The following ANO5 variants were observed in gnomAD, a reference collection of about 807,000 sequenced individuals.
ANO5 encodes the protein anoctamin 5.
Under a neutral mutation model 121.0 loss-of-function variants are expected in ANO5, and 109 were observed. The observed-to-expected ratio is 0.90, with a 90% confidence interval of 0.77 to 1.06. ANO5 has a LOEUF of 1.06. ANO5 is among the 50% of genes least tolerant of loss of function. The pLI is 0.00. For synonymous variants in ANO5, 406 were observed against 359.9 expected (o/e 1.13, Z -1.45); for missense variants, 1,064 against 1,078.5 (o/e 0.99, Z 0.19).
intron 17 of ANO5, among the ~76,000 whole-genome samples, chr11:22,264,495 T>TAACAAC (rs536039523): frequency 6.7e-6 from 1 of 150,220 alleles, no homozygotes; most frequent in Non-Finnish European, 1.5e-5. Context: ...ACAAGCAAAT[T>TAACAAC]AACAACAACA....
chr11:22,273,038 G>T (rs757173779), intron 19 of ANO5, 49 bp downstream of exon 19: 1 of 1,539,952 alleles, frequency 6.5e-7, no homozygotes, highest in South Asian at 1.1e-5. Context: ...ATTTTGGGGG[G>T]TGTGGGGAGA....
At chr11:22,229,833 T>G (rs934068850) in intron 7 of ANO5, among the ~76,000 whole-genome samples, 1 of 151,968 alleles carries the variant, frequency 6.6e-6, no homozygotes, top group African/African-American at 2.4e-5. Flanking sequence ...TGTTCTTGCT[T>G]TATTGAGGAA....
intron 3 of ANO5, 65 bp from the exon 4 acceptor site, chr11:22,218,181 T>C: frequency 1.3e-6 from 2 of 1,584,118 alleles, no homozygotes; most frequent in Non-Finnish European, 1.7e-6. Context: ...GTCTTTGTCT[T>C]TTTTTTGGAA....
intron 11 of ANO5, 38 bp from the exon 12 acceptor site, chr11:22,250,913 A>T (rs772376508): frequency 1.9e-6 from 3 of 1,608,802 alleles, no homozygotes; most frequent in African/African-American, 2.7e-5. Context: ...ATTTAGTACT[A>T]AATTATCTTT....
chr11:22,218,117 A>ACACACACACACACACG, intron 3 of ANO5, 129 bp from the exon 4 acceptor site: 1 of 298,262 alleles, frequency 3.4e-6, no homozygotes, highest in Non-Finnish European at 5.8e-6. Flanking sequence ...TTGAAATATC[A>ACACACACACACACACG]CACACACACA....
At chr11:22,196,534 A>AT (rs1239991443) in intron 1 of ANO5, among the ~76,000 whole-genome samples, 1 of 145,370 alleles carries the variant, frequency 6.9e-6, no homozygotes, top group African/African-American at 2.5e-5. Flanking sequence ...ATTCCAGTGG[A>AT]TTTTTAGAAC....
In ANO5 at chr11:22,272,302, GCACACACACACACACACACACA is replaced by G. The variant is rs60487083; in HGVS notation, c.2030-459_2030-438del. Among the ~76,000 whole-genome samples, 14 of 134,570 alleles carry G rather than the reference GCACACACACACACACACACACA, an allele frequency of 1.0e-4. No individual in the cohort carries two copies. In the South Asian group the frequency reaches 2.5e-3, roughly 24 times the overall value. 88.3% of individuals were successfully genotyped at this position (134,570 alleles called of 152,430 possible). On this transcript the variant is annotated intron_variant, in intron 18 of 21. Transcript: ENST00000324559. The stretch of plus-strand genomic sequence containing the variant: ...TAGAAAATGTATATTTCCTTTTCCG[GCACACACACACACACACACACA>G]CACACACACACACACACACACAGCT...
chr11:22,276,180 CCTT>C lies in ANO5; in HGVS notation c.2503_2505del (p.Phe835del), dbSNP rs794727350. 16 of 1,609,736 alleles carry C rather than the reference CCTT, an allele frequency of 9.9e-6. No individual in the cohort carries two copies. The highest frequency in any genetic ancestry group is 1.4e-5 in the Non-Finnish European group (16 of 1,176,748). The stretch of plus-strand genomic sequence containing the variant: ...TGGCATGTCCTTGCTGCCAAGATGA[CCTT>C]CATCATTGTTATGGAAGTAAGCTGT... On this transcript the variant is annotated inframe_deletion, in exon 21 of 22. Transcript: ENST00000324559.
At chr11:22,244,920 T>C (rs1288350818) in intron 9 of ANO5, among the ~76,000 whole-genome samples, 2 of 152,108 alleles carry the variant, frequency 1.3e-5, no homozygotes, top group Non-Finnish European at 2.9e-5. Flanking sequence ...AGGAGCTCAT[T>C]TGAAGGTAAG....
intron 4 of ANO5, 107 bp from the exon 5 acceptor site, chr11:22,220,990 C>A: frequency 1.3e-6 from 1 of 784,206 alleles, no homozygotes; most frequent in Non-Finnish European, 2.1e-6. Flanking sequence ...GCTGAAAACT[C>A]TGGTTATTTG....
intron 17 of ANO5, among the ~76,000 whole-genome samples, chr11:22,267,808 CT>C (rs1458780548): frequency 1.3e-5 from 2 of 152,090 alleles, no homozygotes; most frequent in Non-Finnish European, 2.9e-5. Context: ...TGCTGTTCCC[CT>C]CTATGTGTCT....
chr11:22,221,269 A>G, intron 5 of ANO5, 59 bp downstream of exon 5: 1 of 1,350,426 alleles, frequency 7.4e-7, no homozygotes, highest in East Asian at 2.4e-5. Context: ...ATAATTTCAC[A>G]TGGATATCTG....
At chr11:22,227,055 T>C (rs1054257100) in intron 6 of ANO5, among the ~76,000 whole-genome samples, 2 of 152,116 alleles carry the variant, frequency 1.3e-5, no homozygotes. Flanking sequence ...TCTCTGCATG[T>C]GTCTTTGTAT....
Position 22,282,694 on chromosome 11 carries a change from G to A in ANO5, c.*2929G>A, listed in dbSNP as rs1855124919. ...GAAAAGCTAAAGAAAATTTCAATGT[G>A]ACCACTATTATGTGTCAAAATAAAA... On this transcript the variant is annotated 3_prime_UTR_variant, in exon 22 of 22. Coordinates refer to ENST00000324559, the MANE Select transcript of ANO5 (RefSeq NM_213599.3). 6.6e-6 allele frequency: 1 copy of A among 152,106 alleles called. No homozygotes were observed. The highest frequency in any genetic ancestry group is 1.5e-5 in the Non-Finnish European group (1 of 67,992). 9.4% of individuals were successfully genotyped at this position (152,106 alleles called of 1,614,324 possible).
chr11:22,224,552 T>G (rs1224170427), intron 5 of ANO5, among the ~76,000 whole-genome samples: 1 of 152,106 alleles, frequency 6.6e-6, no homozygotes, highest in Non-Finnish European at 1.5e-5. Flanking sequence ...AGATCCATAG[T>G]TCTTACCATA....
At position 22,211,280 on chromosome 11, in the gene ANO5, G is replaced by A; in HGVS notation, c.104G>A (p.Arg35Lys). 6.2e-7 allele frequency: 1 copy of A among 1,612,224 alleles called. No individual in the cohort carries two copies. The highest frequency in any genetic ancestry group is 8.5e-7 in the Non-Finnish European group (1 of 1,178,692). ...FQMSEQSLSS[R>K]ETSFLINEET... The stretch of plus-strand genomic sequence containing the variant: ...TACTGTTAGCAGAGCCTGAGCAGCA[G>A]AGAGACCAGCTTTCTCATCAATGAA... The change falls in exon 3 of 22, where the codon AGA (arginine) becomes AAA (lysine). Residue 35 changes from arginine to lysine, a missense_variant. By Grantham distance (26) the Arg-to-Lys change is conservative. Coordinates refer to ENST00000324559, the MANE Select transcript of ANO5 (RefSeq NM_213599.3).
rs1260521415 is a variant in ANO5, at chr11:22,217,691, A to G, written c.139-555A>G. 2.6e-5 allele frequency among the ~76,000 whole-genome samples: 4 copies of G among 152,072 alleles called. No individual in the cohort carries two copies. The South Asian group carries it at 6.2e-4, about 24-fold the overall frequency. ...AACTAACACAAAAACAGAAAACCAAATACTGCATGTTCTCACTGATAAGTG... is the reference window on the plus strand; with the variant it reads ...AACTAACACAAAAACAGAAAACCAAGTACTGCATGTTCTCACTGATAAGTG... On this transcript the variant is annotated intron_variant, in intron 3 of 21. Transcript: ENST00000324559.
intron 1 of ANO5, among the ~76,000 whole-genome samples, chr11:22,194,529 TG>T (rs1487016636): frequency 6.6e-6 from 1 of 152,208 alleles, no homozygotes; most frequent in African/African-American, 2.4e-5. Flanking sequence ...TACAGAGTTT[TG>T]TAACTATCAT....
chr11:22,220,734 C>G (rs1383329743), intron 4 of ANO5, among the ~76,000 whole-genome samples: 2 of 151,756 alleles, frequency 1.3e-5, no homozygotes, highest in Admixed American at 6.6e-5. Flanking sequence ...AATTATACCC[C>G]CAAAGTTGTG....
Sources: gnomAD v4.1 joint callset for allele counts (sites outside exome capture counted in the v4.1 genomes callset) on GRCh38, gnomAD v4.1.1 for gene constraint, MANE v1.5 for transcripts, NCBI Gene and HGNC (gene_info 2026-07-23, HGNC 2026-07-21) for gene names.